The following ALPK2 variants were observed in gnomAD, a reference collection of about 807,000 sequenced individuals.
ALPK2 encodes alpha kinase 2.
A neutral mutation model predicts 163.1 loss-of-function variants in ALPK2; 127 were observed. That is an observed-to-expected ratio of 0.78 (90% CI 0.67 to 0.90). The LOEUF (loss-of-function observed/expected upper bound fraction) is 0.90, where lower values mean the gene tolerates loss of function less well. Ranked by LOEUF, ALPK2 falls within the 40% of genes least tolerant of loss-of-function variation. The probability of loss-of-function intolerance (pLI) is 0.00; values close to 1 mark genes in which losing one functional copy is unlikely to be tolerated. For missense variants in ALPK2, 2,360 were observed against 2,589.6 expected (o/e 0.91, Z 1.92); for synonymous variants, 953 against 959.1 (o/e 0.99, Z 0.12).
In ALPK2 at chr18:58,485,352, T is replaced by G. The variant is rs529418836; in HGVS notation, c.6297-3313A>C. 3.9e-5 allele frequency among the ~76,000 whole-genome samples: 6 copies of G among 152,294 alleles called. No homozygotes were observed. The South Asian group carries it at 1.2e-3, about 32-fold the overall frequency. ...CTGAATGGAGAGAGTTTTTTCCCTG[T>G]GCAATCCAAGCTGGGTTTTTTAAGC... On this transcript the variant is annotated intron_variant, in intron 12 of 12. Coordinates refer to ENST00000361673, the MANE Select transcript of ALPK2 (RefSeq NM_052947.4).
At position 58,536,922 on chromosome 18, in the gene ALPK2, G is replaced by C; in HGVS notation, c.3265C>G (p.Leu1089Val). 1 of 1,614,206 alleles carries C rather than the reference G, an allele frequency of 6.2e-7. No individual in the cohort carries two copies. The highest frequency in any genetic ancestry group is 8.5e-7 in the Non-Finnish European group (1 of 1,180,030). Reference sequence around the variant, plus strand: ...CTGCAGAAACCCTCTCCCTCTGGGAGCTGCAGGACATGGTGTGGGACTCCT... The same window carrying C: ...CTGCAGAAACCCTCTCCCTCTGGGACCTGCAGGACATGGTGTGGGACTCCT... ...VPGVPHHVLQ[L>V]PEGEGFCSNS... is the part of the protein sequence containing the mutation. The change falls in exon 5 of 13, where the codon CTC becomes GTC. Residue 1089 changes from leucine (L) to valine (V), a missense_variant. Physicochemically the swap from Leu to Val is conservative, Grantham distance 32. Coordinates refer to ENST00000361673, the MANE Select transcript of ALPK2 (RefSeq NM_052947.4).
At chr18:58,486,980 G>A (rs1373533782) in intron 12 of ALPK2, among the ~76,000 whole-genome samples, 3 of 152,148 alleles carry the variant, frequency 2.0e-5, no homozygotes, top group Admixed American at 6.5e-5. Context: ...TGTGCCACCC[G>A]CTGCCTTGAG....
chr18:58,589,723 G>T (rs567435790), intron 3 of ALPK2, among the ~76,000 whole-genome samples: 3 of 152,234 alleles, frequency 2.0e-5, no homozygotes, highest in East Asian at 3.9e-4. Flanking sequence ...ACTAAGGTGG[G>T]TGATTCCACC....
intron 3 of ALPK2, among the ~76,000 whole-genome samples, chr18:58,595,877 C>G (rs1487256378): frequency 6.6e-6 from 1 of 152,088 alleles, no homozygotes; most frequent in African/African-American, 2.4e-5. Context: ...CTAACAAGCT[C>G]CCAGGGGATG....
At chr18:58,590,861 G>C (rs1189762440) in intron 3 of ALPK2, among the ~76,000 whole-genome samples, 1 of 152,172 alleles carries the variant, frequency 6.6e-6, no homozygotes, top group African/African-American at 2.4e-5. Flanking sequence ...GTCTCTCCCA[G>C]GCCGGTTCTC....
intron 11 of ALPK2, among the ~76,000 whole-genome samples, chr18:58,500,015 G>A (rs1035815799): frequency 5.9e-5 from 9 of 152,250 alleles, no homozygotes; most frequent in Admixed American, 5.2e-4. Flanking sequence ...AACAAAGGAC[G>A]TGTTGGGATT....
intron 4 of ALPK2, among the ~76,000 whole-genome samples, chr18:58,576,191 T>C (rs568777650): frequency 6.6e-6 from 1 of 152,260 alleles, no homozygotes; most frequent in African/African-American, 2.4e-5. Context: ...CTGATCAATA[T>C]GGTGAAACCC....
chr18:58,557,099 C>T (rs928320240), intron 4 of ALPK2: 1 of 152,296 alleles, frequency 6.6e-6, no homozygotes, highest in Non-Finnish European at 1.5e-5. Context: ...GGAGACCGTC[C>T]AATGAGTGGC....
chr18:58,518,343 G>A (rs2051533284), intron 8 of ALPK2, among the ~76,000 whole-genome samples: 1 of 152,130 alleles, frequency 6.6e-6, no homozygotes, highest in Non-Finnish European at 1.5e-5. Context: ...CCTAATTACT[G>A]CCAGAAAGAA....
chr18:58,574,523 T>G (rs936706109), intron 4 of ALPK2, among the ~76,000 whole-genome samples: 4 of 151,248 alleles, frequency 2.6e-5, no homozygotes, highest in Admixed American at 2.6e-4. Context: ...CCGGTAACTG[T>G]CTGTCTCCTG....
chr18:58,532,311 C>G (rs2051620362), intron 5 of ALPK2, among the ~76,000 whole-genome samples: 1 of 152,162 alleles, frequency 6.6e-6, no homozygotes, highest in African/African-American at 2.4e-5. Context: ...CTAATTTTCT[C>G]TGCAAAGAAA....
intron 2 of ALPK2, among the ~76,000 whole-genome samples, chr18:58,608,894 G>A (rs918653745): frequency 6.6e-6 from 1 of 151,394 alleles, no homozygotes; most frequent in African/African-American, 2.4e-5. Flanking sequence ...CGAGGCTGCA[G>A]TGAGCTGTAA....
chr18:58,484,316 C>T (rs978798258), intron 12 of ALPK2, among the ~76,000 whole-genome samples: 10 of 152,142 alleles, frequency 6.6e-5, no homozygotes, highest in African/African-American at 1.9e-4. Flanking sequence ...CTTGAGGCTA[C>T]GGATTCAACA....
chr18:58,523,655 C>G, intron 8 of ALPK2, 151 bp downstream of exon 8: 2 of 903,564 alleles, frequency 2.2e-6, no homozygotes, highest in East Asian at 2.5e-5. Context: ...TTGCATTTCT[C>G]TGATGGCATT....
chr18:58,517,363 G>A (rs2051527878), intron 8 of ALPK2, among the ~76,000 whole-genome samples, 181 bp from the exon 9 acceptor site: 1 of 152,222 alleles, frequency 6.6e-6, no homozygotes, highest in Non-Finnish European at 1.5e-5. Context: ...GAGTGGTTTG[G>A]TGAGGAGGAG....
At position 58,614,155 on chromosome 18, in the gene ALPK2, G is replaced by A. The variant is rs142975217; in HGVS notation, c.-20-2338C>T. 2.3e-3 allele frequency among the ~76,000 whole-genome samples: 351 copies of A among 152,344 alleles called. 1 individual carries two copies. Among genetic ancestry groups the A allele is most frequent in the African/African-American group, 8.1e-3 (336 of 41,584 alleles). On this transcript the variant is annotated intron_variant, in intron 1 of 12. Coordinates refer to ENST00000361673, the MANE Select transcript of ALPK2 (RefSeq NM_052947.4). ...CATGATGGGTGGAAAGAGCCGTAAT[G>A]TTGAAGAAGTGACATGGTGGCACTG...
intron 1 of ALPK2, among the ~76,000 whole-genome samples, chr18:58,614,217 C>G (rs955120472): frequency 1.8e-4 from 28 of 152,106 alleles, no homozygotes; most frequent in African/African-American, 6.3e-4. Context: ...GGGCAGAACA[C>G]ATGAGATGGG....
intron 11 of ALPK2, 59 bp downstream of exon 11, chr18:58,503,872 C>G: frequency 6.6e-7 from 1 of 1,514,282 alleles, no homozygotes; most frequent in Non-Finnish European, 9.0e-7. Flanking sequence ...CCTCTCCACC[C>G]ACAGGAACAT....
chr18:58,568,339 A>G (rs953481954), intron 4 of ALPK2, among the ~76,000 whole-genome samples: 1 of 152,338 alleles, frequency 6.6e-6, no homozygotes, highest in East Asian at 1.9e-4. Flanking sequence ...ATCACGGGCA[A>G]GGACTCCCGA....
Sources: gnomAD v4.1 joint callset for allele counts (sites outside exome capture counted in the v4.1 genomes callset) on GRCh38, gnomAD v4.1.1 for gene constraint, MANE v1.5 for transcripts, NCBI Gene and HGNC (gene_info 2026-07-23, HGNC 2026-07-21) for gene names.